SREBF2: variants seen among roughly 807,000 people sequenced by gnomAD.
SREBF2 encodes the protein sterol regulatory element binding transcription factor 2.
Under a neutral mutation model 113.1 loss-of-function variants are expected in SREBF2, and 55 were observed. The ratio of observed to expected loss-of-function variants is 0.49; its 90% CI spans 0.39 to 0.61. SREBF2 has a LOEUF of 0.61. Among genes scored for constraint, SREBF2 ranks in the 20% least tolerant of loss-of-function variants. SREBF2 has a pLI of 0.00. For synonymous variants in SREBF2, 593 were observed against 605.7 expected (o/e 0.98, Z 0.31); for missense variants, 1,349 against 1,487.4 (o/e 0.91, Z 1.53).
At chr22:41,846,529 A>G (rs2076878127) in intron 1 of SREBF2, among the ~76,000 whole-genome samples, 1 of 152,198 alleles carries the variant, frequency 6.6e-6, no homozygotes, top group South Asian at 2.1e-4. Flanking sequence ...CAAAAGTGGC[A>G]AATGCCCACC....
At chr22:41,903,805 C>T (rs549815341) in intron 17 of SREBF2, among the ~76,000 whole-genome samples, 3 of 152,324 alleles carry the variant, frequency 2.0e-5, no homozygotes, top group East Asian at 3.9e-4. Flanking sequence ...AGGCTGCTGC[C>T]GTGGAGCTTG....
chr22:41,902,873 G>T, intron 16 of SREBF2, 97 bp from the exon 17 acceptor site: 10 of 1,309,376 alleles, frequency 7.6e-6, no homozygotes, highest in Non-Finnish European at 1.1e-5. Flanking sequence ...CAGAGCTGCT[G>T]AGTGTTGGTC....
intron 6 of SREBF2, 38 bp from the exon 7 acceptor site, chr22:41,875,505 A>G (rs1219068856): frequency 1.2e-6 from 2 of 1,614,092 alleles, no homozygotes; most frequent in African/African-American, 2.7e-5. Context: ...GGCTTTGTAA[A>G]AGCAGATCAT....
In SREBF2 at chr22:41,867,222, G is replaced by A. The variant is rs372572566; in HGVS notation, c.480G>A (p.Pro160=). The A allele has an allele frequency of 2.4e-4, 387 of 1,614,168 alleles. 8 individuals are homozygous for A. In the South Asian group the frequency reaches 3.9e-3, roughly 16 times the overall value. ...TCACGCCAACATTCAGCACCACTCC[G>A]CAGACGAGGATCATCCAGCAGCCTT... ...VMITPTFSTT[P]QTRIIQQPLI... The change falls in exon 2 of 19, where the codon CCG becomes CCA. Residue 160 remains proline, a synonymous_variant. Transcript: ENST00000361204.
chr22:41,905,001 G>C (rs1693173899), intron 18 of SREBF2, 27 bp downstream of exon 18: 1 of 1,546,862 alleles, frequency 6.5e-7, no homozygotes, highest in African/African-American at 1.4e-5. Flanking sequence ...CCAGCTCACA[G>C]GCTGGGCCAG....
rs1170477823 is a variant in SREBF2 at position 41,875,783 on chromosome 22, A to T, written c.1386+59A>T. The T allele has an allele frequency of 5.0e-6, 8 of 1,594,074 alleles. No homozygotes were observed. In the South Asian group the frequency reaches 7.8e-5, roughly 15 times the overall value. On this transcript the variant is annotated intron_variant, in intron 7 of 18. Coordinates refer to ENST00000361204, the MANE Select transcript of SREBF2 (RefSeq NM_004599.4). ...TCTTTCCCATTTCCCCTAAGAAGAT[A>T]GCTGGGAGGTCACAGTTATGAGGCC...
rs767007398 is a variant in SREBF2, at chr22:41,880,763, T to G, written c.1809T>G (p.Val603=). 3.1e-6 allele frequency: 5 copies of G among 1,614,046 alleles called. No individual in the cohort carries two copies. In the East Asian group the frequency reaches 8.9e-5, roughly 29 times the overall value. ...GCAACCTACAAACCTGCCTGGCAGT[T>G]TTGGGCCGGGCACTGCCCACCTCCC... ...AAGNLQTCLA[V]LGRALPTSRL... The change falls in exon 10 of 19, where the codon GTT becomes GTG. Residue 603 remains valine (V), a synonymous_variant. Coordinates refer to ENST00000361204, the MANE Select transcript of SREBF2 (RefSeq NM_004599.4).
At chr22:41,846,854 C>G (rs1428489347) in intron 1 of SREBF2, among the ~76,000 whole-genome samples, 4 of 152,168 alleles carry the variant, frequency 2.6e-5, no homozygotes, top group Admixed American at 2.0e-4. Context: ...AGGCACTTGT[C>G]TGTTCTTGCC....
chr22:41,861,881 C>T (rs988993306), intron 1 of SREBF2, among the ~76,000 whole-genome samples: 3 of 151,798 alleles, frequency 2.0e-5, no homozygotes, highest in African/African-American at 7.3e-5. Context: ...CGAGATTGCA[C>T]CACTGCACGC....
chr22:41,906,076 T>C lies in SREBF2; in HGVS notation c.*416T>C, dbSNP rs749698407. The C allele has an allele frequency of 1.3e-5, 6 of 450,934 alleles. No homozygotes were observed. Among genetic ancestry groups the C allele is most frequent in the Non-Finnish European group, 2.2e-5 (5 of 225,914 alleles). 27.9% of individuals were successfully genotyped at this position (450,934 alleles called of 1,614,324 possible). A position where few individuals can be genotyped will look rare whatever the true frequency, so the allele number is the denominator to read the frequency against. The stretch of plus-strand genomic sequence containing the variant: ...CAGGGAGCAGTTGCCCTCAGGCCTG[T>C]GCCCAGCATGCCCTCCCCTTTTTAT... On this transcript the variant is annotated 3_prime_UTR_variant, in exon 19 of 19. Transcript: ENST00000361204.
chr22:41,863,251 C>G (rs979405308), intron 1 of SREBF2, among the ~76,000 whole-genome samples: 2 of 152,230 alleles, frequency 1.3e-5, no homozygotes, highest in African/African-American at 4.8e-5. Context: ...CACGCTCACA[C>G]CACTGATTAG....
At chr22:41,869,791 C>T (rs542324631) in intron 3 of SREBF2, among the ~76,000 whole-genome samples, 7 of 151,454 alleles carry the variant, frequency 4.6e-5, no homozygotes, top group South Asian at 2.1e-4. Context: ...AGCTGGGGGA[C>T]GTGTATTATT....
At position 41,833,383 on chromosome 22, in the gene SREBF2, C is replaced by A. The variant is rs757556475; in HGVS notation, c.88+25C>A. Reference sequence around the variant, plus strand: ...GGTGAGTGGTGGGTGGGTGGGAGTGCGGGGGCCGCGCGGGGAGGAAGGGGT... The same window carrying A: ...GGTGAGTGGTGGGTGGGTGGGAGTGAGGGGGCCGCGCGGGGAGGAAGGGGT... On this transcript the variant is annotated intron_variant, in intron 1 of 18. Coordinates refer to ENST00000361204, the MANE Select transcript of SREBF2 (RefSeq NM_004599.4). The surrounding 1 kb of genome is among the most constrained non-coding windows in gnomAD (Gnocchi z 4.1). The A allele has an allele frequency of 9.0e-5, 44 of 488,806 alleles. 1 individual carries two copies. The highest frequency in any genetic ancestry group is 6.5e-4 in the South Asian group (39 of 60,294). 30.3% of individuals were successfully genotyped at this position (488,806 alleles called of 1,614,324 possible). A position where few individuals can be genotyped will look rare whatever the true frequency, so the allele number is the denominator to read the frequency against.
intron 1 of SREBF2, among the ~76,000 whole-genome samples, chr22:41,852,997 G>T (rs191429912): frequency 6.6e-6 from 1 of 152,004 alleles, no homozygotes; most frequent in East Asian, 1.9e-4. Context: ...TGATCCACCC[G>T]CCTTGGCGTC....
chr22:41,871,070 C>T (rs1394626524), intron 4 of SREBF2, 35 bp downstream of exon 4: 1 of 1,613,164 alleles, frequency 6.2e-7, no homozygotes, highest in Non-Finnish European at 8.5e-7. Flanking sequence ...CTCCTCCCTC[C>T]CCCTTTATTC....
chr22:41,868,647 C>G lies in SREBF2; in HGVS notation c.575C>G (p.Ser192Cys). ...CAAGTCCAAAGCCTGGTGACATCCT[C>G]CCAGGTACAGCCGGTCACCATTCAG... is the stretch of plus-strand genomic sequence containing the variant. ...QPQVQSLVTS[S>C]QVQPVTIQQQ... The change falls in exon 3 of 19, where the codon TCC becomes TGC. Residue 192 changes from serine (S) to cysteine (C), a missense_variant. Coordinates refer to ENST00000361204, the MANE Select transcript of SREBF2 (RefSeq NM_004599.4). The G allele has an allele frequency of 6.2e-7, 1 of 1,614,236 alleles. No individual in the cohort carries two copies. The highest frequency in any genetic ancestry group is 8.5e-7 in the Non-Finnish European group (1 of 1,180,052).
intron 3 of SREBF2, among the ~76,000 whole-genome samples, chr22:41,869,345 C>T (rs1458492193): frequency 1.3e-5 from 2 of 150,658 alleles, no homozygotes; most frequent in Non-Finnish European, 3.0e-5. Context: ...CCACCCGCCT[C>T]GGCCTCCCAA....
chr22:41,855,319 T>C (rs2076967835), intron 1 of SREBF2, among the ~76,000 whole-genome samples: 1 of 152,154 alleles, frequency 6.6e-6, no homozygotes, highest in African/African-American at 2.4e-5. Flanking sequence ...GGTCAGGAGC[T>C]GAAGACCAGC....
rs916572529 is a variant in SREBF2, at chr22:41,833,106, T to C, written c.-165T>C. ...GGGGCGGGGGAATCCCGCCCCGCCC[T>C]TTCTGTGCGGCGCCCGGGCGCAACG... On this transcript the variant is annotated 5_prime_UTR_variant, in exon 1 of 19. Coordinates refer to ENST00000361204, the MANE Select transcript of SREBF2 (RefSeq NM_004599.4). This position sits in a 1 kb window ranked among gnomAD's most constrained non-coding sequence, Gnocchi z 4.1. The C allele has an allele frequency of 1.7e-3, 827 of 499,554 alleles. 4 individuals carry two copies. The highest frequency in any genetic ancestry group is 0.016 in the African/African-American group (758 of 48,394). The allele number at this position is 499,554 out of a possible 1,614,324, so 30.9% of individuals were successfully genotyped here. A position where few individuals can be genotyped will look rare whatever the true frequency, so the allele number is the denominator to read the frequency against.
Sources: allele counts gnomAD v4.1 joint callset (sites outside exome capture counted in the v4.1 genomes callset), GRCh38; gene constraint gnomAD v4.1.1; non-coding constraint Gnocchi (gnomAD v3.1); transcripts MANE v1.5; gene names NCBI Gene and HGNC (gene_info 2026-07-23, HGNC 2026-07-21).